CRISP1: variants seen among roughly 807,000 people sequenced by gnomAD.
CRISP1 encodes the protein cysteine rich secretory protein 1, also known as cysteine-rich secretory protein 1.
A neutral mutation model predicts 33.1 loss-of-function variants in CRISP1; 44 were observed. The ratio of observed to expected loss-of-function variants is 1.33; its 90% confidence interval spans 1.05 to 1.71. The LOEUF is 1.71. CRISP1 is among the 40% of genes most tolerant of loss of function. The pLI, the probability that CRISP1 is intolerant of heterozygous loss-of-function variation, is 0.00. For synonymous variants in CRISP1, 103 were observed against 98.7 expected, an observed-to-expected ratio of 1.04 and a Z score of -0.26; for missense variants, 390 against 301.2, an observed-to-expected ratio of 1.29 and a Z score of -2.18.
At chr6:49,848,720 G>T (rs1397977318) in intron 3 of CRISP1, among the ~76,000 whole-genome samples, 2 of 152,078 alleles carry the variant, frequency 1.3e-5, no homozygotes, top group East Asian at 3.9e-4. Flanking sequence ...GATATTCCAA[G>T]GAATACAACT....
At chr6:49,869,985 C>G (rs189785336), upstream of CRISP1, among the ~76,000 whole-genome samples, 13 of 152,236 alleles carry the variant, frequency 8.5e-5, no homozygotes, top group East Asian at 2.1e-3. Flanking sequence ...GGAACAGGTC[C>G]CTTCTCAGAC....
intron 1 of CRISP1, among the ~76,000 whole-genome samples, chr6:49,872,392 C>T (rs1487548452): frequency 3.9e-5 from 6 of 152,040 alleles, no homozygotes; most frequent in Admixed American, 3.9e-4. Context: ...TGTGCAGAAG[C>T]TCTTTAGTTT....
chr6:49,857,238 G>T, intron 2 of CRISP1, 97 bp downstream of exon 2: 2 of 1,101,826 alleles, frequency 1.8e-6, no homozygotes, highest in Non-Finnish European at 2.7e-6. Flanking sequence ...GGGTGTAGTG[G>T]CCTCACAACA....
chr6:49,875,628 A>C (rs1379032055), intron 1 of CRISP1, among the ~76,000 whole-genome samples: 1 of 152,134 alleles, frequency 6.6e-6, no homozygotes, highest in African/African-American at 2.4e-5. Flanking sequence ...TGGAGGCATC[A>C]CTCTACCCAA....
intron 1 of CRISP1, among the ~76,000 whole-genome samples, chr6:49,865,722 A>T (rs1771784465): frequency 6.6e-6 from 1 of 152,090 alleles, no homozygotes; most frequent in Admixed American, 6.6e-5. Flanking sequence ...GCCCAAAGGG[A>T]AGTTGAGGAG....
chr6:49,836,827 G>A (rs1770813729), intron 7 of CRISP1, among the ~76,000 whole-genome samples: 1 of 152,036 alleles, frequency 6.6e-6, no homozygotes, highest in Non-Finnish European at 1.5e-5. Context: ...TACTGCCAGA[G>A]CAATTGTATA....
At chr6:49,868,525 C>G (rs543907087), upstream of CRISP1, among the ~76,000 whole-genome samples, 171 of 152,144 alleles carry the variant, frequency 1.1e-3, no homozygotes, top group African/African-American at 3.8e-3. Flanking sequence ...CAGAGATTGG[C>G]TAACAAAAAT....
At chr6:49,862,736 A>C (rs1470789944) in intron 1 of CRISP1, among the ~76,000 whole-genome samples, 1 of 151,908 alleles carries the variant, frequency 6.6e-6, no homozygotes, top group Non-Finnish European at 1.5e-5. Flanking sequence ...TAGATTTTTC[A>C]GTCCATGCTT....
Position 49,872,344 on chromosome 6 carries a change from G to T in CRISP1, c.-3+4665C>A, listed in dbSNP as rs1302338266. Among the ~76,000 whole-genome samples, 3 of 151,854 alleles carry T rather than the reference G, an allele frequency of 2.0e-5. No individual in the cohort carries two copies. The East Asian group carries it at 5.8e-4, about 29-fold the overall frequency. The stretch of plus-strand genomic sequence containing the variant: ...GGTTGCGAAAATTTTCTCCCATTTT[G>T]TAGGTTGCCTGTTCATTCTGATGGT... On this transcript the variant is annotated intron_variant, in intron 1 of 7. Coordinates refer to the CRISP1 transcript ENST00000505118.
At chr6:49,857,926 A>G (rs959144065) in intron 1 of CRISP1, among the ~76,000 whole-genome samples, 1 of 152,200 alleles carries the variant, frequency 6.6e-6, no homozygotes, top group African/African-American at 2.4e-5. Flanking sequence ...TTCTCCCCAT[A>G]GAGTTTCCCT....
At chr6:49,863,252 A>C (rs1771702897) in intron 1 of CRISP1, among the ~76,000 whole-genome samples, 1 of 152,162 alleles carries the variant, frequency 6.6e-6, no homozygotes, top group Non-Finnish European at 1.5e-5. Flanking sequence ...CTGAGATACT[A>C]AGCCCTAGTC....
chr6:49,840,168 G>A (rs966335228), intron 6 of CRISP1, among the ~76,000 whole-genome samples: 1 of 152,170 alleles, frequency 6.6e-6, no homozygotes, highest in African/African-American at 2.4e-5. Flanking sequence ...GTTCTATCCA[G>A]CTCTGAATAA....
intron 7 of CRISP1, among the ~76,000 whole-genome samples, chr6:49,837,073 A>G (rs1448292775): frequency 1.3e-5 from 2 of 151,944 alleles, no homozygotes; most frequent in Admixed American, 6.6e-5. Context: ...CTTAATTTAT[A>G]TACTTTCCTA....
At chr6:49,839,163 A>G (rs1182322824) in intron 6 of CRISP1, among the ~76,000 whole-genome samples, 1 of 151,034 alleles carries the variant, frequency 6.6e-6, no homozygotes, top group Non-Finnish European at 1.5e-5. Flanking sequence ...GGCAGGGCTC[A>G]ATGACTTATC....
upstream of CRISP1, among the ~76,000 whole-genome samples, chr6:49,868,393 T>C (rs1359895063): frequency 6.6e-6 from 1 of 152,176 alleles, no homozygotes; most frequent in Non-Finnish European, 1.5e-5. Flanking sequence ...TGATAGAATA[T>C]TTCTAACTGG....
intron 1 of CRISP1, among the ~76,000 whole-genome samples, chr6:49,857,924 A>G (rs572274245): frequency 1.3e-5 from 2 of 152,310 alleles, no homozygotes; most frequent in African/African-American, 4.8e-5. Flanking sequence ...GATTCTCCCC[A>G]TAGAGTTTCC....
intron 4 of CRISP1, 129 bp downstream of exon 4, chr6:49,848,080 T>C (rs1771236297): frequency 3.8e-6 from 2 of 520,862 alleles, no homozygotes; most frequent in African/African-American, 3.9e-5. Flanking sequence ...ATTCACTGCC[T>C]TGTATGACCC....
intron 2 of CRISP1, among the ~76,000 whole-genome samples, chr6:49,856,471 A>T (rs376013579): frequency 5.1e-4 from 77 of 152,280 alleles, no homozygotes; most frequent in African/African-American, 1.8e-3. Context: ...CTGGAGGATT[A>T]CTGGGCATTA....
At chr6:49,846,122 C>G (rs971922306) in intron 5 of CRISP1, among the ~76,000 whole-genome samples, 3 of 152,156 alleles carry the variant, frequency 2.0e-5, no homozygotes, top group African/African-American at 7.2e-5. Context: ...TAATGCTGAA[C>G]ATGAAACCAT....
Sources: gnomAD v4.1 joint callset for allele counts (sites outside exome capture counted in the v4.1 genomes callset) on GRCh38, gnomAD v4.1.1 for gene constraint, MANE v1.5 for transcripts, NCBI Gene and HGNC (gene_info 2026-07-23, HGNC 2026-07-21) for gene names.